Variants in NLRP4 observed in about 807,000 individuals in gnomAD.
The protein encoded by NLRP4 is NACHT, LRR and PYD domains-containing protein 4.
In NLRP4, 44 loss-of-function variants were observed where a neutral mutation model predicts 84.7. The ratio of observed to expected loss-of-function variants is 0.52; its 90% CI spans 0.41 to 0.67. NLRP4 has a LOEUF of 0.67. NLRP4 is among the 30% of genes least tolerant of loss of function. The pLI is 0.00. For missense variants in NLRP4, 1,260 were observed against 1,219.4 expected (o/e 1.03, Z -0.50); for synonymous variants, 544 against 476.4 (o/e 1.14, Z -1.85).
chr19:55,848,356 A>AC (rs1477662714), intron 1 of NLRP4, among the ~76,000 whole-genome samples: 1 of 151,536 alleles, frequency 6.6e-6, no homozygotes, highest in Non-Finnish European at 1.5e-5. Flanking sequence ...GTTAATCCCT[A>AC]CCCCTTTTTA....
chr19:55,848,215 G>A (rs999736091), intron 1 of NLRP4, among the ~76,000 whole-genome samples: 3 of 152,068 alleles, frequency 2.0e-5, no homozygotes, highest in African/African-American at 2.4e-5. Context: ...ATCTCATTGC[G>A]AGACTGGGGC....
chr19:55,837,487 C>G (rs1342670445), intron 1 of NLRP4, among the ~76,000 whole-genome samples: 1 of 152,088 alleles, frequency 6.6e-6, no homozygotes, highest in Non-Finnish European at 1.5e-5. Flanking sequence ...TTTTCATCCC[C>G]CTTCTCCAAT....
chr19:55,851,873 A>G (rs930937888), intron 1 of NLRP4, 143 bp from the exon 2 acceptor site: 9 of 529,988 alleles, frequency 1.7e-5, no homozygotes, highest in East Asian at 3.4e-5. Context: ...TTTCATGACC[A>G]TTTGAATGAG....
intron 1 of NLRP4, among the ~76,000 whole-genome samples, chr19:55,849,302 G>A (rs1402041195): frequency 6.6e-6 from 1 of 152,154 alleles, no homozygotes; most frequent in Admixed American, 6.5e-5. Context: ...TGTATCGATT[G>A]CCACTAGGGT....
intron 1 of NLRP4, among the ~76,000 whole-genome samples, chr19:55,843,603 A>C (rs1025774634): frequency 2.0e-5 from 3 of 152,192 alleles, no homozygotes; most frequent in African/African-American, 7.2e-5. Flanking sequence ...GAGGCAGGAG[A>C]ATCACTTGAA....
chr19:55,880,435 C>G (rs913735332), intron 9 of NLRP4, among the ~76,000 whole-genome samples: 2 of 152,214 alleles, frequency 1.3e-5, no homozygotes, highest in African/African-American at 4.8e-5. Context: ...CATTTGTCCT[C>G]TTTGATTATC....
chr19:55,872,646 C>T (rs1326765166), intron 7 of NLRP4, among the ~76,000 whole-genome samples: 1 of 151,826 alleles, frequency 6.6e-6, no homozygotes, highest in African/African-American at 2.4e-5. Flanking sequence ...GTTACAATTA[C>T]CTAGAAAGCA....
rs768142392 is a variant in NLRP4, at chr19:55,858,244, C to T, written c.851C>T (p.Pro284Leu). The T allele has an allele frequency of 2.2e-5, 35 of 1,613,964 alleles. No individual in the cohort carries two copies. Among genetic ancestry groups the T allele is most frequent in the East Asian group, 6.7e-5 (3 of 44,876 alleles). Reference sequence around the variant, plus strand: ...CTCATCGCTATCAAACCCGTGTGCCCGAAGGAGCTCCGGGATCAGGTGACG... The same window carrying T: ...CTCATCGCTATCAAACCCGTGTGCCTGAAGGAGCTCCGGGATCAGGTGACG... ...SLLIAIKPVC[P>L]KELRDQVTIS... is the part of the protein sequence containing the mutation. The change falls in exon 3 of 10, where the codon CCG becomes CTG. Residue 284 changes from proline to leucine, a missense_variant. Physicochemically the swap from Pro to Leu is moderately conservative, Grantham distance 98 (BLOSUM62 -3). Coordinates refer to ENST00000301295, the MANE Select transcript of NLRP4 (RefSeq NM_134444.5). This position sits in a 1 kb window ranked among gnomAD's most constrained non-coding sequence, Gnocchi z 4.2.
intron 5 of NLRP4, among the ~76,000 whole-genome samples, chr19:55,866,655 G>A (rs1984966614): frequency 6.6e-6 from 1 of 152,152 alleles, no homozygotes; most frequent in African/African-American, 2.4e-5. Flanking sequence ...GTTCTTTGAG[G>A]AGATATTACT....
chr19:55,873,912 A>G (rs916439096), intron 7 of NLRP4, among the ~76,000 whole-genome samples: 7 of 152,134 alleles, frequency 4.6e-5, no homozygotes, highest in Non-Finnish European at 7.4e-5. Flanking sequence ...ACAAACTCAG[A>G]TGGAGCTGTA....
rs148888876 is a variant in NLRP4 at position 55,838,543 on chromosome 19, T to A, written c.-66+1609T>A. Among the ~76,000 whole-genome samples the A allele has an allele frequency of 6.5e-3, 982 of 152,160 alleles. 13 individuals are homozygous for A. Among genetic ancestry groups the A allele is most frequent in the African/African-American group, 0.022 (897 of 41,522 alleles). ...AGGTTTCTGTTTTAAGTTACCTAGT[T>A]TGTGGTACGTTGTCATGCCAGCCCA... is the stretch of plus-strand genomic sequence containing the variant. On this transcript the variant is annotated intron_variant, in intron 1 of 9. Transcript: ENST00000301295.
At chr19:55,879,030 C>T in intron 9 of NLRP4, 66 bp downstream of exon 9, 2 of 1,268,118 alleles carry the variant, frequency 1.6e-6, no homozygotes, top group Non-Finnish European at 2.2e-6. Context: ...TGGCTGGGAC[C>T]TGCAGTGTAA....
In NLRP4 at chr19:55,858,047, G is replaced by A. The variant is rs753540929; in HGVS notation, c.654G>A (p.Glu218=). 49 of 1,614,148 alleles carry A rather than the reference G, an allele frequency of 3.0e-5. 1 individual carries two copies. In the South Asian group the frequency reaches 3.2e-4, roughly 10 times the overall value. ...EWPDPAAPIT[E]IVSQPERLLF... ...CTGACCCCGCTGCTCCTATAACAGA[G>A]ATCGTGTCTCAACCGGAGAGACTCT... is the stretch of plus-strand genomic sequence containing the variant. Residue 218 remains glutamate, a synonymous_variant, in exon 3 of 10, where the codon GAG becomes GAA. Coordinates refer to ENST00000301295, the MANE Select transcript of NLRP4 (RefSeq NM_134444.5). This position sits in a 1 kb window ranked among gnomAD's most constrained non-coding sequence, Gnocchi z 4.2.
intron 1 of NLRP4, among the ~76,000 whole-genome samples, chr19:55,838,732 A>G (rs1207141830): frequency 2.0e-5 from 3 of 152,186 alleles, no homozygotes; most frequent in African/African-American, 7.2e-5. Flanking sequence ...AGATTTGTAC[A>G]CATTGTACAA....
intron 1 of NLRP4, among the ~76,000 whole-genome samples, chr19:55,837,417 A>G (rs302467): frequency 2.0e-5 from 3 of 152,072 alleles, no homozygotes; most frequent in Non-Finnish European, 4.4e-5. Flanking sequence ...CTATAGTGCT[A>G]CTGAACACCA....
chr19:55,843,328 GTTAT>G (rs963176805), intron 1 of NLRP4, among the ~76,000 whole-genome samples: 11 of 152,054 alleles, frequency 7.2e-5, no homozygotes, highest in Admixed American at 2.0e-4. Flanking sequence ...ACATGGGTTT[GTTAT>G]TTATACTCTT....
At chr19:55,857,211 A>G (rs555334724) in intron 2 of NLRP4, among the ~76,000 whole-genome samples, 3 of 152,228 alleles carry the variant, frequency 2.0e-5, no homozygotes, top group African/African-American at 7.2e-5. Context: ...ATACCTGTGT[A>G]TGTGTCTATT....
At chr19:55,850,848 T>C (rs372913561) in intron 1 of NLRP4, among the ~76,000 whole-genome samples, 23 of 77,686 alleles carry the variant, frequency 3.0e-4, no homozygotes, top group East Asian at 3.7e-4. Flanking sequence ...CGGTGTAATT[T>C]ACGAGGCTGC....
chr19:55,860,813 A>G (rs886265542), intron 3 of NLRP4, among the ~76,000 whole-genome samples: 1 of 152,100 alleles, frequency 6.6e-6, no homozygotes, highest in African/African-American at 2.4e-5. Flanking sequence ...CCCCGTCTCT[A>G]CTAAAAATAC....
Sources: gnomAD v4.1 joint callset for allele counts (sites outside exome capture counted in the v4.1 genomes callset) on GRCh38, gnomAD v4.1.1 for gene constraint, Gnocchi (gnomAD v3.1) non-coding constraint, MANE v1.5 for transcripts, NCBI Gene and HGNC (gene_info 2026-07-23, HGNC 2026-07-21) for gene names.